The following GPHN variants were observed in gnomAD, a reference collection of about 807,000 sequenced individuals.
The protein encoded by GPHN is gephyrin.
GPHN carries 17 observed loss-of-function variants against 95.5 expected under a neutral mutation model. That is an observed-to-expected ratio of 0.18 (90% CI 0.12 to 0.27). GPHN has a LOEUF of 0.27. GPHN is among the 10% of genes least tolerant of loss of function. The pLI is 1.00. For missense variants in GPHN, 660 were observed against 978.1 expected (o/e 0.67, Z 4.34); for synonymous variants, 320 against 322.5 (o/e 0.99, Z 0.08).
At chr14:67,376,542 A>T in the GPHN span, 1 of 1,614,136 alleles carries the variant, frequency 6.2e-7, no homozygotes, top group Non-Finnish European at 8.5e-7. Context: ...GATGACAAGT[A>T]CAAGAGACCT....
the GPHN span, chr14:67,581,054 C>G: frequency 6.5e-7 from 1 of 1,536,324 alleles, no homozygotes; most frequent in Non-Finnish European, 9.0e-7. Context: ...AAGCACTGCA[C>G]GAGGGTGGGG....
the GPHN span, among the ~76,000 whole-genome samples, chr14:67,638,963 G>A: frequency 3.3e-5 from 5 of 152,220 alleles, no homozygotes; most frequent in Admixed American, 6.5e-5. Flanking sequence ...AGATGGCATC[G>A]GAGTAAATGG....
the GPHN span, among the ~76,000 whole-genome samples, chr14:67,315,408 C>G: frequency 6.6e-6 from 1 of 151,312 alleles, no homozygotes; most frequent in East Asian, 2.0e-4. Flanking sequence ...TGCTGAGCAG[C>G]TGGGACTACA....
chr14:67,037,941 C>A (rs891471767), intron 10 of GPHN, among the ~76,000 whole-genome samples: 1 of 151,962 alleles, frequency 6.6e-6, no homozygotes, highest in Admixed American at 6.6e-5. Flanking sequence ...ATCTGTCAGT[C>A]TCACTTCTGG....
At chr14:66,775,416 T>G (rs767374158) in intron 2 of GPHN, among the ~76,000 whole-genome samples, 1 of 152,212 alleles carries the variant, frequency 6.6e-6, no homozygotes. Context: ...GCCACAACCC[T>G]GTATGTAATT....
intron 17 of GPHN, among the ~76,000 whole-genome samples, chr14:67,135,993 T>G (rs1182006061): frequency 6.6e-6 from 1 of 152,236 alleles, no homozygotes; most frequent in African/African-American, 2.4e-5. Flanking sequence ...TCTTAAAATT[T>G]GAAAATCACA....
intron 9 of GPHN, among the ~76,000 whole-genome samples, chr14:66,989,244 TA>T (rs1229067796): frequency 6.6e-6 from 1 of 151,608 alleles, no homozygotes; most frequent in Non-Finnish European, 1.5e-5. Context: ...TCATTTTTTT[TA>T]AAAAAAAGAT....
intron 10 of GPHN, among the ~76,000 whole-genome samples, chr14:67,046,869 AG>A (rs2075044168): frequency 6.6e-6 from 1 of 152,172 alleles, no homozygotes; most frequent in African/African-American, 2.4e-5. Flanking sequence ...CTAATTGGAG[AG>A]AGTTATATGA....
intron 5 of GPHN, among the ~76,000 whole-genome samples, chr14:66,897,656 G>C (rs1377687873): frequency 1.3e-5 from 2 of 152,054 alleles, no homozygotes; most frequent in Non-Finnish European, 2.9e-5. Context: ...TTGTTACATG[G>C]ATCAATAATT....
intron 18 of GPHN, among the ~76,000 whole-genome samples, chr14:67,154,004 G>T (rs2081436714): frequency 6.6e-6 from 1 of 152,098 alleles, no homozygotes; most frequent in Admixed American, 6.5e-5. Context: ...ACAATTTTTT[G>T]CAAGAAAAAT....
intron 2 of GPHN, among the ~76,000 whole-genome samples, chr14:66,741,379 A>C (rs1313598896): frequency 6.6e-6 from 1 of 152,216 alleles, no homozygotes; most frequent in Admixed American, 6.5e-5. Context: ...TTGTGAAACC[A>C]TATACAGTCT....
the GPHN span, among the ~76,000 whole-genome samples, chr14:67,265,583 G>A: frequency 1.4e-4 from 21 of 151,734 alleles, no homozygotes; most frequent in African/African-American, 4.1e-4. Flanking sequence ...AAAAGCCAGC[G>A]CAGTGGCTCA....
At position 66,508,465 on chromosome 14, in the gene GPHN, C is replaced by T. The variant is rs2057879009; in HGVS notation, c.-63C>T. 2.0e-6 allele frequency: 3 copies of T among 1,491,558 alleles called. No individual in the cohort carries two copies. The highest frequency in any genetic ancestry group is 1.4e-5 in the African/African-American group (1 of 72,472). 92.4% of individuals were successfully genotyped at this position (1,491,558 alleles called of 1,614,324 possible). ...CTCTCCTCGGCGAGCGCGCTCCCGG[C>T]CCGCGCGCTCCGGGCTCCGGTTTCT... On this transcript the variant is annotated 5_prime_UTR_variant, in exon 1 of 23. Transcript: ENST00000478722.
chr14:66,968,556 A>T (rs2069508815), intron 9 of GPHN, among the ~76,000 whole-genome samples: 1 of 152,106 alleles, frequency 6.6e-6, no homozygotes, highest in Non-Finnish European at 1.5e-5. Flanking sequence ...TCAGAAATAC[A>T]ATATAGTTTT....
At chr14:67,491,803 C>G in the GPHN span, among the ~76,000 whole-genome samples, 2 of 152,186 alleles carry the variant, frequency 1.3e-5, no homozygotes, top group Non-Finnish European at 2.9e-5. Context: ...GGGCCAAGCT[C>G]AACTACAAAA....
chr14:66,634,546 G>A (rs976239079), intron 1 of GPHN, among the ~76,000 whole-genome samples: 1 of 152,060 alleles, frequency 6.6e-6, no homozygotes, highest in African/African-American at 2.4e-5. Flanking sequence ...CCAATCTTAA[G>A]GTCCTAGGTG....
intron 1 of GPHN, among the ~76,000 whole-genome samples, chr14:66,599,238 GA>G (rs2062115671): frequency 6.6e-6 from 1 of 151,812 alleles, no homozygotes; most frequent in Non-Finnish European, 1.5e-5. Flanking sequence ...CGCATTTTTG[GA>G]GAGAAAAACA....
At chr14:67,606,862 A>G in the GPHN span, among the ~76,000 whole-genome samples, 1 of 152,062 alleles carries the variant, frequency 6.6e-6, no homozygotes, top group Non-Finnish European at 1.5e-5. Flanking sequence ...TTGCCAGGAT[A>G]GTCTCGATCT....
chr14:67,641,878 G>A, the GPHN span, among the ~76,000 whole-genome samples: 45 of 152,248 alleles, frequency 3.0e-4, no homozygotes, highest in African/African-American at 1.1e-3. Context: ...TTTTCTTTAA[G>A]ATTGTTGGTT....
Sources: gnomAD v4.1 joint callset for allele counts (sites outside exome capture counted in the v4.1 genomes callset) on GRCh38, gnomAD v4.1.1 for gene constraint, MANE v1.5 for transcripts, NCBI Gene and HGNC (gene_info 2026-07-23, HGNC 2026-07-21) for gene names.